C4orf54: variants seen among roughly 807,000 people sequenced by gnomAD.
C4orf54 encodes the protein uncharacterized protein C4orf54.
Under a neutral mutation model 80.1 loss-of-function variants are expected in C4orf54, and 67 were observed. That is an observed-to-expected ratio of 0.84 (90% CI 0.69 to 1.03). The LOEUF (loss-of-function observed/expected upper bound fraction) is 1.03, where lower values mean the gene tolerates loss of function less well. C4orf54 is among the 50% of genes least tolerant of loss of function. The pLI is 0.00. For missense variants in C4orf54, 2,434 were observed against 2,253.5 expected (o/e 1.08, Z -1.62); for synonymous variants, 1,000 against 917.0 (o/e 1.09, Z -1.64).
In C4orf54 at chr4:99,651,203, G is replaced by A; in HGVS notation, c.3446C>T (p.Ser1149Phe). 2 of 1,536,132 alleles carry A rather than the reference G, an allele frequency of 1.3e-6. No homozygotes were observed. Among genetic ancestry groups the A allele is most frequent in the East Asian group, 4.9e-5 (2 of 40,912 alleles). The change falls in exon 2 of 3, where the codon TCC becomes TTC. Residue 1149 changes from serine (S) to phenylalanine (F), a missense_variant. By Grantham distance (155) the Ser-to-Phe change is radical (BLOSUM62 -2). Coordinates refer to ENST00000511828, the MANE Select transcript of C4orf54 (RefSeq NM_001354435.2). ...SAAAGGSGSL[S>F]PMVITCQAVV... ...AGCCTGGCATGTAATCACCATGGGG[G>A]ACAGGGATCCAGATCCGCCAGCTGC...
intron 2 of C4orf54, among the ~76,000 whole-genome samples, chr4:99,644,978 C>T (rs1440073382): frequency 1.3e-5 from 2 of 151,384 alleles, no homozygotes; most frequent in East Asian, 3.9e-4. Flanking sequence ...GAAAAGTGGC[C>T]TTAGGGAGAA....
chr4:99,651,922 G>A lies in C4orf54; in HGVS notation c.2727C>T (p.Gly909=), dbSNP rs1450122678. 4 of 1,536,126 alleles carry A rather than the reference G, an allele frequency of 2.6e-6. No homozygotes were observed. The highest frequency in any genetic ancestry group is 2.6e-6 in the Non-Finnish European group (3 of 1,146,912). ...KASTPRERNA[G]PGRNFTDGHT... is the part of the protein sequence containing the mutation. ...GTCCATCGGTGAAATTCCGGCCAGG[G>A]CCTGCGTTGCGCTCGCGAGGAGTAC... is the stretch of plus-strand genomic sequence containing the variant. Residue 909 remains glycine, a synonymous_variant, in exon 2 of 3, where the codon GGC becomes GGT. Coordinates refer to ENST00000511828, the MANE Select transcript of C4orf54 (RefSeq NM_001354435.2).
At position 99,639,288 on chromosome 4, in the gene C4orf54, G is replaced by A. The variant is rs970529036; in HGVS notation, c.*1945C>T. The A allele has an allele frequency of 6.6e-6, 1 of 152,064 alleles. No individual in the cohort carries two copies. The highest frequency in any genetic ancestry group is 2.4e-5 in the African/African-American group (1 of 41,410). 9.4% of individuals were successfully genotyped at this position (152,064 alleles called of 1,614,324 possible). ...CTTGGTGCTGCTTTCAGTAAAATAA[G>A]TGTAAGATTTCTGAAAGGGATTCTA... On this transcript the variant is annotated 3_prime_UTR_variant, in exon 3 of 3. Coordinates refer to ENST00000511828, the MANE Select transcript of C4orf54 (RefSeq NM_001354435.2).
Position 99,640,165 on chromosome 4 carries a change from G to T in C4orf54, c.*1068C>A, listed in dbSNP as rs1490665706. On this transcript the variant is annotated 3_prime_UTR_variant, in exon 3 of 3. Coordinates refer to ENST00000511828, the MANE Select transcript of C4orf54 (RefSeq NM_001354435.2). ...GGTTACAACTGAGACAGTACTAAAT[G>T]TCAATAAAAGATTCTGTGATTTGGA... is the stretch of plus-strand genomic sequence containing the variant. 6.6e-6 allele frequency: 1 copy of T among 152,108 alleles called. No homozygotes were observed. Among genetic ancestry groups the T allele is most frequent in the Non-Finnish European group, 1.5e-5 (1 of 67,986 alleles). The allele number at this position is 152,108 out of a possible 1,614,324, so 9.4% of individuals were successfully genotyped here. A position where few individuals can be genotyped will look rare whatever the true frequency, so the allele number is the denominator to read the frequency against.
rs1403824610 is a variant in C4orf54, at chr4:99,651,114, C to T, written c.3535G>A (p.Gly1179Ser). 4 of 1,536,136 alleles carry T rather than the reference C, an allele frequency of 2.6e-6. No individual in the cohort carries two copies. In the Admixed American group the frequency reaches 5.9e-5, roughly 23 times the overall value. The change falls in exon 2 of 3, where the codon GGC becomes AGC. Residue 1179 changes from glycine to serine, a missense_variant. Transcript: ENST00000511828. ...GAGGAAGAATTCAAGACTCTGCTGC[C>T]GCCCCCTTTGCCCATGCTTTCCCTG... is the stretch of plus-strand genomic sequence containing the variant. ...EPRESMGKGG[G>S]SRVLNSSSPE...
chr4:99,647,661 G>T (rs1312372248), intron 2 of C4orf54, among the ~76,000 whole-genome samples: 1 of 152,130 alleles, frequency 6.6e-6, no homozygotes, highest in Non-Finnish European at 1.5e-5. Context: ...AGATTTAAGG[G>T]TTTTTTAAAG....
At position 99,651,954 on chromosome 4, in the gene C4orf54, T is replaced by G; in HGVS notation, c.2695A>C (p.Lys899Gln). Residue 899 changes from lysine to glutamine, a missense_variant, in exon 2 of 3, where the codon AAA becomes CAA. Transcript: ENST00000511828. ...TTGCGCTCGCGAGGAGTACTGGCTTTGAAGACTGGAGATTTGGAGCCCGCC... is the reference window on the plus strand; with the variant it reads ...TTGCGCTCGCGAGGAGTACTGGCTTGGAAGACTGGAGATTTGGAGCCCGCC... Reference protein sequence around the residue: ...SVAGSKSPVFKASTPRERNAG... With the variant: ...SVAGSKSPVFQASTPRERNAG... 2.0e-6 allele frequency: 3 copies of G among 1,536,160 alleles called. No homozygotes were observed. The highest frequency in any genetic ancestry group is 2.6e-6 in the Non-Finnish European group (3 of 1,146,916).
intron 2 of C4orf54, among the ~76,000 whole-genome samples, chr4:99,645,208 T>G (rs1726679913): frequency 6.6e-6 from 1 of 151,946 alleles, no homozygotes; most frequent in African/African-American, 2.4e-5. Context: ...TTTGATGATC[T>G]AAGGACCCAG....
At position 99,653,061 on chromosome 4, in the gene C4orf54, T is replaced by C. The variant is rs539857656; in HGVS notation, c.1588A>G (p.Ile530Val). Residue 530 changes from isoleucine to valine, a missense_variant, in exon 2 of 3, where the codon ATA becomes GTA. By Grantham distance (29) the Ile-to-Val change is conservative. Coordinates refer to ENST00000511828, the MANE Select transcript of C4orf54 (RefSeq NM_001354435.2). ...LLSIKPASRA[I>V]NEPSNVRAKQ... ...GCACGCACGTTGCTAGGCTCATTTA[T>C]AGCCCGGGAAGCCGGTTTGATTGAT... The C allele has an allele frequency of 1.0e-4, 153 of 1,536,216 alleles. No homozygotes were observed. In the South Asian group the frequency reaches 1.8e-3, roughly 18 times the overall value.
chr4:99,641,239 G>T (rs376485377), intron 2 of C4orf54, 43 bp from the exon 3 acceptor site: 5 of 152,062 alleles, frequency 3.3e-5, no homozygotes, highest in East Asian at 3.9e-4. Context: ...TCAAGGAAAA[G>T]ATTTTTAGTT....
In C4orf54 at chr4:99,649,473, G is replaced by C. The variant is rs1726759376; in HGVS notation, c.5176C>G (p.Pro1726Ala). ...GACTGACCAGAAGCCATGAAGTATG[G>C]GGCCTCGGTGAACGTTGCAGCTGCC... ...KEAAATFTEA[P>A]YFMASGQSPA... The change falls in exon 2 of 3, where the codon CCA becomes GCA. Residue 1726 changes from proline to alanine, a missense_variant. Coordinates refer to ENST00000511828, the MANE Select transcript of C4orf54 (RefSeq NM_001354435.2). 2.0e-6 allele frequency: 3 copies of C among 1,536,068 alleles called. No individual in the cohort carries two copies. The highest frequency in any genetic ancestry group is 2.4e-5 in the East Asian group (1 of 40,928).
At position 99,652,307 on chromosome 4, in the gene C4orf54, G is replaced by A. The variant is rs1317857510; in HGVS notation, c.2342C>T (p.Ser781Leu). The A allele has an allele frequency of 7.8e-6, 12 of 1,535,798 alleles. No individual in the cohort carries two copies. The highest frequency in any genetic ancestry group is 2.4e-5 in the East Asian group (1 of 40,894). Residue 781 changes from serine (S) to leucine (L), a missense_variant, in exon 2 of 3, where the codon TCG (serine) becomes TTG (leucine). By Grantham distance (145) the Ser-to-Leu change is moderately radical. Transcript: ENST00000511828. The stretch of plus-strand genomic sequence containing the variant: ...CTCGGAGCCGTCGTCCGTGTATGCC[G>A]ACCCGGGACCCTTGCCGGGGCCTTT... ...ATKGPGKGPG[S>L]AYTDDGSETS...
rs1197451057 is a variant in C4orf54, at chr4:99,639,850, G to C, written c.*1383C>G. 6.6e-6 allele frequency: 1 copy of C among 151,926 alleles called. No homozygotes were observed. The highest frequency in any genetic ancestry group is 1.5e-5 in the Non-Finnish European group (1 of 67,946). 9.4% of individuals were successfully genotyped at this position (151,926 alleles called of 1,614,324 possible). ...TCTGTGGCTTATGAAGAAAATTTAA[G>C]CAGAAATCAAATATTGCTGAGGTTT... On this transcript the variant is annotated 3_prime_UTR_variant, in exon 3 of 3. Transcript: ENST00000511828.
rs871321 is a variant in C4orf54 at position 99,657,506 on chromosome 4, C to T, written c.-43G>A. 6.6e-6 allele frequency among the ~76,000 whole-genome samples: 1 copy of T among 152,110 alleles called. No homozygotes were observed. Among genetic ancestry groups the T allele is most frequent in the Admixed American group, 6.5e-5 (1 of 15,280 alleles). On this transcript the variant is annotated 5_prime_UTR_variant, in exon 1 of 3. Coordinates refer to ENST00000511828, the MANE Select transcript of C4orf54 (RefSeq NM_001354435.2). Reference sequence around the variant, plus strand: ...ACAGTAGTACTTACCTCCAAAGTATCTGTGTGGCTCCTTTACTGCTTTCTA... The same window carrying T: ...ACAGTAGTACTTACCTCCAAAGTATTTGTGTGGCTCCTTTACTGCTTTCTA...
rs1255583140 is a variant in C4orf54 at position 99,638,678 on chromosome 4, C to A, written c.*2555G>T. The A allele has an allele frequency of 6.6e-6, 1 of 152,092 alleles. No individual in the cohort carries two copies. The highest frequency in any genetic ancestry group is 1.9e-4 in the East Asian group (1 of 5,198). The allele number at this position is 152,092 out of a possible 1,614,324, so 9.4% of individuals were successfully genotyped here. A position where few individuals can be genotyped will look rare whatever the true frequency, so the allele number is the denominator to read the frequency against. On this transcript the variant is annotated 3_prime_UTR_variant, in exon 3 of 3. Coordinates refer to ENST00000511828, the MANE Select transcript of C4orf54 (RefSeq NM_001354435.2). The stretch of plus-strand genomic sequence containing the variant: ...CTATAAAAGGAAGGGTATATCACTT[C>A]ATTCAAATATTCATGCAACCTCAAG...
At position 99,650,231 on chromosome 4, in the gene C4orf54, A is replaced by G; in HGVS notation, c.4418T>C (p.Ile1473Thr). ...SNSDCENYLT[I>T]PLKGSSAAGE... ...TGCAGCAGAGCTTCCTTTAAGAGGG[A>G]TGGTCAGGTAATTCTCACAGTCACT... The change falls in exon 2 of 3, where the codon ATC becomes ACC. Residue 1473 changes from isoleucine to threonine, a missense_variant. By Grantham distance (89) the Ile-to-Thr change is moderately conservative (BLOSUM62 -1). Coordinates refer to ENST00000511828, the MANE Select transcript of C4orf54 (RefSeq NM_001354435.2). 6.5e-7 allele frequency: 1 copy of G among 1,535,934 alleles called. No homozygotes were observed.
intron 2 of C4orf54, among the ~76,000 whole-genome samples, chr4:99,641,915 T>A (rs985743025): frequency 6.6e-6 from 1 of 152,122 alleles, no homozygotes; most frequent in African/African-American, 2.4e-5. Context: ...TGTTAGGGAT[T>A]AAGAAGGCTC....
chr4:99,650,420 C>T lies in C4orf54; in HGVS notation c.4229G>A (p.Gly1410Asp), dbSNP rs1446605165. The T allele has an allele frequency of 2.6e-6, 4 of 1,536,080 alleles. No homozygotes were observed. Among genetic ancestry groups the T allele is most frequent in the East Asian group, 2.4e-5 (1 of 40,892 alleles). The change falls in exon 2 of 3, where the codon GGT (glycine) becomes GAT (aspartate). Residue 1410 changes from glycine (G) to aspartate (D), a missense_variant. Coordinates refer to ENST00000511828, the MANE Select transcript of C4orf54 (RefSeq NM_001354435.2). Reference sequence around the variant, plus strand: ...CCCTTGTGGGAACTTGCCAGCGACACCCCCAGTTTTCTGGATGCTGCTGGC... The same window carrying T: ...CCCTTGTGGGAACTTGCCAGCGACATCCCCAGTTTTCTGGATGCTGCTGGC... ...VSASSIQKTGGVAGKFPQGPS... is the reference protein window; with the variant it reads ...VSASSIQKTGDVAGKFPQGPS...
Position 99,653,364 on chromosome 4 carries a change from T to G in C4orf54, c.1285A>C (p.Asn429His). Residue 429 changes from asparagine to histidine, a missense_variant, in exon 2 of 3, where the codon AAC becomes CAC. Transcript: ENST00000511828. The part of the protein sequence containing the change: ...ITSLTEEDDD[N>H]SCYLSTTPST... ...GGAGTGGTGCTGAGGTAGCAGCTGT[T>G]GTCGTCGTCCTCTTCGGTCAGACTG... is the stretch of plus-strand genomic sequence containing the variant. 6.5e-7 allele frequency: 1 copy of G among 1,536,176 alleles called. No individual in the cohort carries two copies. Among genetic ancestry groups the G allele is most frequent in the South Asian group, 1.2e-5 (1 of 84,048 alleles).
Sources: allele counts gnomAD v4.1 joint callset (sites outside exome capture counted in the v4.1 genomes callset), GRCh38; gene constraint gnomAD v4.1.1; transcripts MANE v1.5; gene names NCBI Gene and HGNC (gene_info 2026-07-23, HGNC 2026-07-21).